The following DMD variants were observed in gnomAD, a reference collection of about 807,000 sequenced individuals.
The protein encoded by DMD is dystrophin, also known as mutant dystrophin.
In DMD, 63 loss-of-function variants were observed where a neutral mutation model predicts 330.1. The observed-to-expected ratio is 0.19, with a 90% CI of 0.16 to 0.24. DMD has a LOEUF of 0.24. Ranked by LOEUF, DMD falls within the 10% of genes least tolerant of loss-of-function variation. The pLI is 1.00. For missense variants in DMD, 3,344 were observed against 2,684.1 expected (o/e 1.25, Z -5.43); for synonymous variants, 1,223 against 959.8 (o/e 1.27, Z -5.07).
intron 44 of DMD, among the ~76,000 whole-genome samples, chrX:32,176,846 C>T: frequency 9.0e-6 from 1 of 111,511 alleles, no homozygotes; most frequent in Middle Eastern, 4.6e-3. Context: ...TCAAAGGTAT[C>T]TCAAAATTAA....
intron 14 of DMD, 33 bp from the exon 15 acceptor site, chrX:32,573,670 T>C: frequency 2.5e-6 from 3 of 1,198,254 alleles, no homozygotes; most frequent in Middle Eastern, 2.3e-4. Flanking sequence ...AAGGAATAAA[T>C]AAACATAAAT....
At chrX:31,768,409 C>A (rs1276520077) in intron 51 of DMD, among the ~76,000 whole-genome samples, 1 of 107,863 alleles carries the variant, frequency 9.3e-6, no homozygotes, top group African/African-American at 3.4e-5. Context: ...GTCTTTTTTT[C>A]TTTCCTTGCT....
chrX:31,324,826 A>T (rs946961415), intron 61 of DMD, among the ~76,000 whole-genome samples: 2 of 110,833 alleles, frequency 1.8e-5, no homozygotes, highest in African/African-American at 6.6e-5. Context: ...TATATCCTCG[A>T]CTACACTGTA....
chrX:32,848,681 A>G (rs765497916), intron 3 of DMD, among the ~76,000 whole-genome samples: 55 of 111,462 alleles, frequency 4.9e-4, no homozygotes, highest in Non-Finnish European at 8.7e-4. Context: ...TACATACACT[A>G]AAAACAAGAC....
intron 4 of DMD, among the ~76,000 whole-genome samples, chrX:32,827,896 G>C (rs1043728354): frequency 1.8e-5 from 2 of 110,825 alleles, no homozygotes; most frequent in African/African-American, 6.6e-5. Context: ...CCCGACCTCA[G>C]GTGATCCCGC....
At chrX:32,736,594 T>G (rs1603309550) in intron 7 of DMD, among the ~76,000 whole-genome samples, 2 of 110,716 alleles carry the variant, frequency 1.8e-5, no homozygotes, top group South Asian at 3.8e-4. Context: ...CCATAAAAAA[T>G]GATGAGTTCA....
intron 67 of DMD, among the ~76,000 whole-genome samples, chrX:31,192,409 A>C (rs759661317): frequency 8.9e-6 from 1 of 112,098 alleles, no homozygotes; most frequent in Non-Finnish European, 1.9e-5. Flanking sequence ...GTTGTACACA[A>C]TGGTTTTTCA....
chrX:32,269,580 G>A (rs2097357947), intron 43 of DMD, among the ~76,000 whole-genome samples: 1 of 111,336 alleles, frequency 9.0e-6, no homozygotes. Context: ...GGAGGAGAGA[G>A]AGTTATTCAA....
At chrX:32,889,969 A>C (rs898271227) in intron 2 of DMD, among the ~76,000 whole-genome samples, 8 of 111,658 alleles carry the variant, frequency 7.2e-5, no homozygotes, top group Admixed American at 4.8e-4. Flanking sequence ...CTGAGATGAA[A>C]TATGCAGGAT....
rs73619025 is a variant in DMD at position 32,065,930 on chromosome X, C to T, written c.6439-97416G>A. Among the ~76,000 whole-genome samples the T allele has an allele frequency of 4.3e-3, 474 of 110,889 alleles. 3 individuals are homozygous for T. Among genetic ancestry groups the T allele is most frequent in the African/African-American group, 0.014 (443 of 30,622 alleles). On this transcript the variant is annotated intron_variant, in intron 44 of 78. Transcript: ENST00000357033. The stretch of plus-strand genomic sequence containing the variant: ...ATTTCACAGTACCTCTTTCTTTCCT[C>T]GACAGTGAATCTTCTTTGTCAGGAA...
chrX:31,263,933 T>C lies in DMD; in HGVS notation c.9225-2917A>G, dbSNP rs148072964. On this transcript the variant is annotated intron_variant, in intron 62 of 78. Coordinates refer to ENST00000357033, the MANE Select transcript of DMD (RefSeq NM_004006.3). ...AAACCTTCAGATTCTTTGGTAACTA[T>C]ATGACGAACCAAATATTCACTTCAC... 7.8e-3 allele frequency among the ~76,000 whole-genome samples: 874 copies of C among 112,414 alleles called. 8 individuals are homozygous for C. Among genetic ancestry groups the C allele is most frequent in the African/African-American group, 0.026 (801 of 30,932 alleles).
chrX:32,653,491 G>T (rs2060321162), intron 9 of DMD, among the ~76,000 whole-genome samples: 1 of 111,223 alleles, frequency 9.0e-6, no homozygotes, highest in African/African-American at 3.3e-5. Context: ...TATTTCTGAG[G>T]GCTTTGTTCT....
intron 17 of DMD, among the ~76,000 whole-genome samples, chrX:32,518,498 T>A (rs1186112970): frequency 9.0e-6 from 1 of 110,935 alleles, no homozygotes; most frequent in African/African-American, 3.3e-5. Context: ...AAATTCCTGT[T>A]GGTGGTCACC....
intron 45 of DMD, among the ~76,000 whole-genome samples, chrX:31,939,966 C>T (rs1439181580): frequency 9.0e-6 from 1 of 111,599 alleles, no homozygotes; most frequent in African/African-American, 3.3e-5. Flanking sequence ...CTAGGTGAAG[C>T]ATATATGTAA....
At chrX:32,625,619 G>T (rs1389705219) in intron 11 of DMD, among the ~76,000 whole-genome samples, 2 of 112,014 alleles carry the variant, frequency 1.8e-5, no homozygotes, top group African/African-American at 6.5e-5. Flanking sequence ...ATGCAAAATA[G>T]TACATGTTTT....
rs754035822 is a variant in DMD at position 33,051,646 on chromosome X, A to ATTTTTTTTTTTTTTTTTT, written c.32-31464_32-31447dup. Among the ~76,000 whole-genome samples, 254 of 71,916 alleles carry ATTTTTTTTTTTTTTTTTT rather than the reference A, an allele frequency of 3.5e-3. 25 individuals carry two copies. Among genetic ancestry groups the ATTTTTTTTTTTTTTTTTT allele is most frequent in the African/African-American group, 0.016 (246 of 15,367 alleles). 62.5% of individuals were successfully genotyped at this position (71,916 alleles called of 115,157 possible). ...TAAGGAAAATATATAATTACGCTCT[A>ATTTTTTTTTTTTTTTTTT]TTTTTTTTTTTTTTTTTTTGAGACG... is the stretch of plus-strand genomic sequence containing the variant. On this transcript the variant is annotated intron_variant, in intron 1 of 78. Coordinates refer to ENST00000357033, the MANE Select transcript of DMD (RefSeq NM_004006.3).
chrX:31,183,494 C>G (rs1360452475), intron 67 of DMD, among the ~76,000 whole-genome samples: 2 of 111,440 alleles, frequency 1.8e-5, no homozygotes, highest in African/African-American at 6.5e-5. Context: ...GCGCTGTTTT[C>G]ATGATGCCCT....
chrX:32,623,817 G>T (rs1013111399), intron 11 of DMD, among the ~76,000 whole-genome samples: 1 of 111,678 alleles, frequency 9.0e-6, no homozygotes, highest in African/African-American at 3.3e-5. Flanking sequence ...GTGAGCCACC[G>T]CACCTAGCTA....
chrX:32,085,579 T>TAC (rs1181698639), intron 44 of DMD, among the ~76,000 whole-genome samples: 4 of 91,475 alleles, frequency 4.4e-5, no homozygotes, highest in Non-Finnish European at 6.8e-5. Flanking sequence ...TATATATATA[T>TAC]ACACACACAC....
Sources: gnomAD v4.1 joint callset for allele counts (sites outside exome capture counted in the v4.1 genomes callset) on GRCh38, gnomAD v4.1.1 for gene constraint, MANE v1.5 for transcripts, NCBI Gene and HGNC (gene_info 2026-07-23, HGNC 2026-07-21) for gene names.